The following ERP44 variants were observed in gnomAD, a reference collection of about 807,000 sequenced individuals.
ERP44 encodes endoplasmic reticulum protein 44, also known as endoplasmic reticulum resident protein 44.
In ERP44, 25 loss-of-function variants were observed where a neutral mutation model predicts 53.4. That is an observed-to-expected ratio of 0.47 (90% CI 0.34 to 0.65). The LOEUF (loss-of-function observed/expected upper bound fraction) is 0.65, where lower values mean the gene tolerates loss of function less well. Among genes scored for constraint, ERP44 ranks in the 30% least tolerant of loss-of-function variants. The pLI is 0.01. For synonymous variants in ERP44, 145 were observed against 161.2 expected (o/e 0.90, Z 0.76); for missense variants, 338 against 493.2 (o/e 0.69, Z 2.98).
At chr9:99,989,750 G>A (rs776339079) in intron 10 of ERP44, among the ~76,000 whole-genome samples, 1 of 152,110 alleles carries the variant, frequency 6.6e-6, no homozygotes, top group Non-Finnish European at 1.5e-5. Flanking sequence ...GAGGATGTTC[G>A]AACCCATCAC....
chr9:100,078,421 G>A (rs1468151063), intron 1 of ERP44, among the ~76,000 whole-genome samples: 2 of 142,816 alleles, frequency 1.4e-5, no homozygotes, highest in Non-Finnish European at 3.0e-5. Flanking sequence ...TTGCGCCTCT[G>A]CACTCCAGCC....
chr9:100,068,487 T>A (rs1394948780), intron 1 of ERP44, among the ~76,000 whole-genome samples: 6 of 125,260 alleles, frequency 4.8e-5, no homozygotes, highest in Non-Finnish European at 1.0e-4. Flanking sequence ...GGAGCCCCTC[T>A]GCCCGGCCAG....
intron 8 of ERP44, among the ~76,000 whole-genome samples, chr9:100,009,305 G>T (rs1266494322): frequency 1.3e-5 from 2 of 151,882 alleles, no homozygotes; most frequent in Admixed American, 6.6e-5. Flanking sequence ...GTGGAGATGG[G>T]GTTTCACCAT....
At chr9:99,998,894 T>C in intron 10 of ERP44, 1 of 1,590,450 alleles carries the variant, frequency 6.3e-7, no homozygotes. Context: ...CGCCTCCATC[T>C]CCCCCAGCAG....
intron 10 of ERP44, among the ~76,000 whole-genome samples, chr9:99,986,044 AC>A (rs1362804360): frequency 6.6e-6 from 1 of 152,218 alleles, no homozygotes; most frequent in Non-Finnish European, 1.5e-5. Context: ...CAGCACAGAA[AC>A]AATGCACTGT....
At chr9:100,001,958 T>C (rs374551706) in intron 10 of ERP44, among the ~76,000 whole-genome samples, 22 of 152,250 alleles carry the variant, frequency 1.4e-4, no homozygotes, top group African/African-American at 4.6e-4. Flanking sequence ...CTTTATTCCT[T>C]AATTTTTATC....
intron 4 of ERP44, among the ~76,000 whole-genome samples, chr9:100,036,923 C>T (rs944301954): frequency 3.3e-5 from 5 of 152,002 alleles, no homozygotes; most frequent in Admixed American, 6.6e-5. Context: ...TAGAGAGAGG[C>T]GGAGCAAGAT....
chr9:100,027,481 A>C (rs1402407785), intron 4 of ERP44, among the ~76,000 whole-genome samples: 1 of 152,168 alleles, frequency 6.6e-6, no homozygotes, highest in Non-Finnish European at 1.5e-5. Flanking sequence ...AGTGATTTTA[A>C]GATAATTAGA....
intron 1 of ERP44, among the ~76,000 whole-genome samples, chr9:100,081,534 C>A (rs536963269): frequency 1.3e-5 from 2 of 151,370 alleles, no homozygotes; most frequent in African/African-American, 4.8e-5. Context: ...AAAAAAAAAA[C>A]CATAAATATT....
At chr9:100,083,562 G>T (rs1447013023) in intron 1 of ERP44, among the ~76,000 whole-genome samples, 1 of 152,162 alleles carries the variant, frequency 6.6e-6, no homozygotes, top group Non-Finnish European at 1.5e-5. Flanking sequence ...TGAGAGAAAA[G>T]AATTTCTGTG....
chr9:100,038,259 A>T (rs1564095277), intron 4 of ERP44, among the ~76,000 whole-genome samples: 1 of 152,334 alleles, frequency 6.6e-6, no homozygotes, highest in East Asian at 1.9e-4. Context: ...AAAAAGACTA[A>T]ATTAGGGACC....
chr9:99,998,350 T>C, intron 10 of ERP44: 1 of 561,028 alleles, frequency 1.8e-6, no homozygotes. Flanking sequence ...ACCTTTTGCC[T>C]TGCAGTTCCT....
chr9:100,046,403 A>G (rs7028939), intron 4 of ERP44, among the ~76,000 whole-genome samples: 28,577 of 152,094 alleles, frequency 0.19, 4,254 homozygotes, highest in African/African-American at 0.42. Context: ...TAAGATGTTG[A>G]TGTTAGGGCA....
intron 4 of ERP44, among the ~76,000 whole-genome samples, chr9:100,042,370 C>A (rs1016770813): frequency 6.6e-6 from 1 of 152,134 alleles, no homozygotes; most frequent in African/African-American, 2.4e-5. Context: ...TACTATCTCA[C>A]CCCAGTTAAT....
intron 4 of ERP44, among the ~76,000 whole-genome samples, chr9:100,022,982 AAAC>A (rs1304113042): frequency 1.3e-5 from 2 of 152,222 alleles, no homozygotes; most frequent in African/African-American, 4.8e-5. Flanking sequence ...AAATATGAAT[AAAC>A]AACGGGAACA....
At chr9:99,995,736 G>C (rs1314630494) in intron 10 of ERP44, among the ~76,000 whole-genome samples, 2 of 152,136 alleles carry the variant, frequency 1.3e-5, no homozygotes, top group Admixed American at 6.5e-5. Context: ...GTATCCCATT[G>C]TGTATATATA....
chr9:100,000,447 A>C (rs1240008652), intron 10 of ERP44, among the ~76,000 whole-genome samples: 2 of 151,856 alleles, frequency 1.3e-5, no homozygotes, highest in South Asian at 2.1e-4. Context: ...AAAAAAAAAA[A>C]AAAAAAACTT....
chr9:100,054,482 C>T (rs890254434), intron 3 of ERP44, among the ~76,000 whole-genome samples: 4 of 152,154 alleles, frequency 2.6e-5, no homozygotes, highest in Admixed American at 2.0e-4. Flanking sequence ...GTTTGCCACT[C>T]ATTAAGTATT....
At chr9:100,063,062 G>A (rs556077330) in intron 1 of ERP44, among the ~76,000 whole-genome samples, 1 of 25,164 alleles carries the variant, frequency 4.0e-5, no homozygotes. Context: ...TGACAGAACA[G>A]GACCCTGTCT....
Sources: allele counts gnomAD v4.1 joint callset (sites outside exome capture counted in the v4.1 genomes callset), GRCh38; gene constraint gnomAD v4.1.1; transcripts MANE v1.5; gene names NCBI Gene and HGNC (gene_info 2026-07-23, HGNC 2026-07-21).